XKR4: variants seen among roughly 807,000 people sequenced by gnomAD.
XKR4 encodes XK related 4.
In XKR4, 12 loss-of-function variants were observed where a neutral mutation model predicts 53.9. The observed-to-expected ratio is 0.22, with a 90% confidence interval of 0.14 to 0.36. XKR4 has a LOEUF of 0.36. Ranked by LOEUF, XKR4 falls within the 10% of genes least tolerant of loss-of-function variation. XKR4 has a pLI of 1.00. For synonymous variants in XKR4, 354 were observed against 362.4 expected (o/e 0.98, Z 0.26); for missense variants, 799 against 859.5 (o/e 0.93, Z 0.88).
At chr8:55,217,755 T>C (rs903829417) in intron 1 of XKR4, among the ~76,000 whole-genome samples, 1 of 147,688 alleles carries the variant, frequency 6.8e-6, no homozygotes, top group African/African-American at 2.5e-5. Context: ...GATAGATAGA[T>C]AGATAGATAG....
At chr8:55,479,083 T>A (rs896513974) in intron 2 of XKR4, among the ~76,000 whole-genome samples, 3 of 152,038 alleles carry the variant, frequency 2.0e-5, no homozygotes, top group African/African-American at 7.3e-5. Context: ...CCACCCCAAA[T>A]CAACAGAATA....
At chr8:55,212,134 G>T (rs1817739994) in intron 1 of XKR4, among the ~76,000 whole-genome samples, 1 of 151,598 alleles carries the variant, frequency 6.6e-6, no homozygotes, top group Non-Finnish European at 1.5e-5. Context: ...AAAAGGCAGA[G>T]GGGTGGGGTT....
At chr8:55,112,852 A>G (rs1816252367) in intron 1 of XKR4, among the ~76,000 whole-genome samples, 1 of 152,096 alleles carries the variant, frequency 6.6e-6, no homozygotes, top group South Asian at 2.1e-4. Flanking sequence ...ATGTAGGCTA[A>G]TTCCAGAAGA....
chr8:55,419,702 G>T (rs1804896968), intron 2 of XKR4, among the ~76,000 whole-genome samples: 1 of 152,168 alleles, frequency 6.6e-6, no homozygotes, highest in Non-Finnish European at 1.5e-5. Flanking sequence ...CCTCAGCAGT[G>T]TCCAGATTCT....
At chr8:55,470,360 G>T (rs911257460) in intron 2 of XKR4, among the ~76,000 whole-genome samples, 2 of 152,104 alleles carry the variant, frequency 1.3e-5, no homozygotes, top group Non-Finnish European at 2.9e-5. Flanking sequence ...GGAGATAAAT[G>T]AATCATGGGA....
chr8:55,215,801 G>A (rs954964664), intron 1 of XKR4, among the ~76,000 whole-genome samples: 4 of 152,146 alleles, frequency 2.6e-5, no homozygotes, highest in Non-Finnish European at 5.9e-5. Flanking sequence ...TTAGTAGTAA[G>A]ACATTAGAAA....
intron 2 of XKR4, among the ~76,000 whole-genome samples, chr8:55,369,870 A>G (rs1055163030): frequency 6.6e-6 from 1 of 152,116 alleles, no homozygotes. Context: ...TATATTTGCT[A>G]TAATAAATAA....
intron 1 of XKR4, among the ~76,000 whole-genome samples, chr8:55,113,024 G>T (rs898465760): frequency 1.3e-5 from 2 of 152,106 alleles, no homozygotes; most frequent in South Asian, 4.1e-4. Context: ...TGATGGCTAG[G>T]TTTGAAAACT....
chr8:55,489,855 C>T (rs1806248055), intron 2 of XKR4, among the ~76,000 whole-genome samples: 1 of 152,070 alleles, frequency 6.6e-6, no homozygotes, highest in Admixed American at 6.6e-5. Context: ...TAACTTACCA[C>T]CACCATCTAT....
At position 55,365,442 on chromosome 8, in the gene XKR4, C is replaced by T. The variant is rs183247183; in HGVS notation, c.1006+7565C>T. Among the ~76,000 whole-genome samples, 690 of 152,308 alleles carry T rather than the reference C, an allele frequency of 4.5e-3. 21 individuals carry two copies. The highest frequency in any genetic ancestry group is 0.041 in the Admixed American group (623 of 15,300). On this transcript the variant is annotated intron_variant, in intron 2 of 2. Transcript: ENST00000327381. ...GAAGGGGGCTGGACGCGGTGACTCA[C>T]GCCTGTAATCCCAGCACTTTGGGAG...
intron 1 of XKR4, among the ~76,000 whole-genome samples, chr8:55,167,811 G>T (rs9643486): frequency 0.029 from 4,385 of 152,210 alleles, 168 homozygotes; most frequent in East Asian, 0.12. Flanking sequence ...GATTGAGCTT[G>T]GGGGACTCCA....
intron 1 of XKR4, among the ~76,000 whole-genome samples, chr8:55,112,668 A>G (rs1418460022): frequency 8.5e-5 from 12 of 140,932 alleles, no homozygotes; most frequent in Non-Finnish European, 1.5e-4. Context: ...TATAACTTCT[A>G]TCATTAGTTC....
At chr8:55,266,357 A>C (rs1248875497) in intron 1 of XKR4, among the ~76,000 whole-genome samples, 2 of 151,940 alleles carry the variant, frequency 1.3e-5, no homozygotes, top group African/African-American at 4.8e-5. Flanking sequence ...ACCATCCTCC[A>C]GCTGTCTCTG....
intron 2 of XKR4, among the ~76,000 whole-genome samples, chr8:55,370,960 C>A (rs1025645094): frequency 6.6e-6 from 1 of 151,868 alleles, no homozygotes; most frequent in Admixed American, 6.6e-5. Flanking sequence ...AAGACACAGC[C>A]CCCTGCTCTC....
chr8:55,431,059 T>C (rs1204901898), intron 2 of XKR4, among the ~76,000 whole-genome samples: 2 of 152,220 alleles, frequency 1.3e-5, no homozygotes, highest in African/African-American at 4.8e-5. Context: ...CAACTGCATG[T>C]GAACTCACAA....
chr8:55,487,242 G>T (rs1257555238), intron 2 of XKR4, among the ~76,000 whole-genome samples: 3 of 152,174 alleles, frequency 2.0e-5, no homozygotes, highest in African/African-American at 7.2e-5. Context: ...GAGTTCTGAT[G>T]TTCAAGACAG....
At chr8:55,450,738 C>T (rs1309582834) in intron 2 of XKR4, 2 of 583,242 alleles carry the variant, frequency 3.4e-6, no homozygotes, top group Admixed American at 4.2e-5. Flanking sequence ...ACTCCTTCTC[C>T]ACCAGCAGGT....
intron 1 of XKR4, among the ~76,000 whole-genome samples, chr8:55,125,164 A>G (rs1816445697): frequency 2.0e-5 from 3 of 152,220 alleles, no homozygotes; most frequent in African/African-American, 7.2e-5. Context: ...AGTGCTTCTC[A>G]TAGGGTTATA....
intron 1 of XKR4, among the ~76,000 whole-genome samples, chr8:55,143,825 C>T (rs951970364): frequency 1.3e-5 from 2 of 152,184 alleles, no homozygotes; most frequent in Non-Finnish European, 2.9e-5. Context: ...AAGCAATGTG[C>T]GAATTTCCGG....
Sources: gnomAD v4.1 joint callset for allele counts (sites outside exome capture counted in the v4.1 genomes callset) on GRCh38, gnomAD v4.1.1 for gene constraint, MANE v1.5 for transcripts, NCBI Gene and HGNC (gene_info 2026-07-23, HGNC 2026-07-21) for gene names.